The following SEMA3A variants were observed in gnomAD, a reference collection of about 807,000 sequenced individuals.
SEMA3A encodes the protein semaphorin 3A.
SEMA3A carries 29 observed loss-of-function variants against 97.9 expected under a neutral mutation model. The ratio of observed to expected loss-of-function variants is 0.30; its 90% CI spans 0.22 to 0.40. The LOEUF (loss-of-function observed/expected upper bound fraction) is 0.40, where lower values mean the gene tolerates loss of function less well. Among genes scored for constraint, SEMA3A ranks in the 10% least tolerant of loss-of-function variants. SEMA3A has a pLI of 1.00. For missense variants in SEMA3A, 763 were observed against 951.3 expected, an observed-to-expected ratio of 0.80 and a Z score of 2.60; for synonymous variants, 321 against 323.7, an observed-to-expected ratio of 0.99 and a Z score of 0.09.
At chr7:84,191,564 T>C (rs1798039539) in intron 1 of SEMA3A, among the ~76,000 whole-genome samples, 1 of 151,898 alleles carries the variant, frequency 6.6e-6, no homozygotes, top group African/African-American at 2.4e-5. Flanking sequence ...GAAGATTATA[T>C]GATTTTCCTG....
chr7:84,287,652 A>G (rs1481932831), intron 3 of SEMA3A, among the ~76,000 whole-genome samples: 1 of 152,084 alleles, frequency 6.6e-6, no homozygotes, highest in East Asian at 1.9e-4. Context: ...TTTCAGATTT[A>G]TGATTATGTG....
At chr7:83,981,188 C>G (rs1213249964) in intron 14 of SEMA3A, 133 bp downstream of exon 14, 27 of 906,238 alleles carry the variant, frequency 3.0e-5, no homozygotes. Context: ...ACGCAACAAT[C>G]CCCTCCATCT....
At chr7:84,072,726 C>G (rs1044163842) in intron 4 of SEMA3A, among the ~76,000 whole-genome samples, 1 of 151,914 alleles carries the variant, frequency 6.6e-6, no homozygotes, top group South Asian at 2.1e-4. Context: ...CGAAGTACAA[C>G]AAAAATTATA....
chr7:83,977,045 GCATA>G, intron 15 of SEMA3A, 83 bp downstream of exon 15: 1 of 603,234 alleles, frequency 1.7e-6, no homozygotes, highest in Non-Finnish European at 2.8e-6. Context: ...TCTGAGAGAT[GCATA>G]CATTGCATGC....
rs1342631568 is a variant in SEMA3A, at chr7:83,960,879, C to A, written c.*492G>T. 1 of 153,434 alleles carries A rather than the reference C, an allele frequency of 6.5e-6. No individual in the cohort carries two copies. The highest frequency in any genetic ancestry group is 6.2e-5 in the Admixed American group (1 of 16,172). The allele number at this position is 153,434 out of a possible 1,614,324, so 9.5% of individuals were successfully genotyped here. ...ACATTTCATTCAGTATCATTTTACTCATTTTACTCCTCAAGTACATACAAA... is the reference window on the plus strand; with the variant it reads ...ACATTTCATTCAGTATCATTTTACTAATTTTACTCCTCAAGTACATACAAA... On this transcript the variant is annotated 3_prime_UTR_variant, in exon 17 of 17. Transcript: ENST00000265362.
chr7:84,203,338 A>G (rs1278006219), intron 3 of SEMA3A, among the ~76,000 whole-genome samples: 1 of 149,220 alleles, frequency 6.7e-6, no homozygotes, highest in African/African-American at 2.5e-5. Flanking sequence ...TTTTTTTCTT[A>G]TTTTATTTTT....
chr7:84,165,849 G>A (rs1052459900), intron 1 of SEMA3A, among the ~76,000 whole-genome samples: 2 of 151,920 alleles, frequency 1.3e-5, no homozygotes, highest in South Asian at 2.1e-4. Flanking sequence ...CACCCCTCCC[G>A]GCCTACCAAT....
intron 1 of SEMA3A, among the ~76,000 whole-genome samples, chr7:84,401,713 A>C (rs550811820): frequency 6.6e-6 from 1 of 152,292 alleles, no homozygotes; most frequent in South Asian, 2.1e-4. Context: ...CACACATTTA[A>C]AGCCAAATGA....
chr7:84,281,270 G>A (rs1019057946), intron 3 of SEMA3A, among the ~76,000 whole-genome samples: 2 of 152,176 alleles, frequency 1.3e-5, no homozygotes, highest in Non-Finnish European at 2.9e-5. Context: ...TGAGGAGGCT[G>A]GGAGCAGAAT....
intron 3 of SEMA3A, among the ~76,000 whole-genome samples, chr7:84,265,992 G>A (rs548138567): frequency 1.3e-4 from 19 of 151,872 alleles, no homozygotes; most frequent in Non-Finnish European, 2.6e-4. Flanking sequence ...GAGATTCCAC[G>A]GACTATTTGG....
chr7:84,404,237 C>T (rs1435879216), intron 1 of SEMA3A, among the ~76,000 whole-genome samples: 11 of 152,098 alleles, frequency 7.2e-5, no homozygotes, highest in African/African-American at 1.2e-4. Context: ...ACGAGAACTA[C>T]GTAATGAATG....
At chr7:84,050,322 C>A (rs1038848767) in intron 5 of SEMA3A, among the ~76,000 whole-genome samples, 3 of 152,164 alleles carry the variant, frequency 2.0e-5, no homozygotes, top group African/African-American at 7.2e-5. Flanking sequence ...TACAGTCCCA[C>A]CAACGGTGTA....
intron 2 of SEMA3A, among the ~76,000 whole-genome samples, chr7:84,319,993 G>A (rs73386924): frequency 0.026 from 3,885 of 152,166 alleles, 168 homozygotes; most frequent in African/African-American, 0.089. Flanking sequence ...GAAAGTAAAT[G>A]ATTTCTTTTT....
chr7:84,138,460 C>A (rs1024398528), intron 1 of SEMA3A, among the ~76,000 whole-genome samples: 2 of 151,812 alleles, frequency 1.3e-5, no homozygotes, highest in African/African-American at 4.8e-5. Context: ...AAATATTTTC[C>A]CAATTGAAAA....
At chr7:84,136,477 T>C (rs1425608202) in intron 1 of SEMA3A, among the ~76,000 whole-genome samples, 2 of 152,182 alleles carry the variant, frequency 1.3e-5, no homozygotes, top group Non-Finnish European at 2.9e-5. Flanking sequence ...CGGGAAACCA[T>C]GCACTGTGCT....
chr7:84,241,587 T>C (rs1489500617), intron 3 of SEMA3A, among the ~76,000 whole-genome samples: 3 of 152,078 alleles, frequency 2.0e-5, no homozygotes, highest in Non-Finnish European at 4.4e-5. Context: ...TTTTTTTGTT[T>C]GTGTTTTGTT....
At chr7:84,360,009 T>C (rs1207566818) in intron 2 of SEMA3A, among the ~76,000 whole-genome samples, 1 of 149,472 alleles carries the variant, frequency 6.7e-6, no homozygotes, top group Admixed American at 6.7e-5. Flanking sequence ...TTTTATTGTG[T>C]CTATTTGATT....
intron 1 of SEMA3A, among the ~76,000 whole-genome samples, chr7:84,445,081 T>A (rs1805375630): frequency 1.3e-5 from 2 of 152,040 alleles, no homozygotes; most frequent in African/African-American, 2.4e-5. Context: ...TTAATATAAT[T>A]TTTTTCTGAT....
At chr7:84,336,366 C>G (rs1584248159) in intron 2 of SEMA3A, among the ~76,000 whole-genome samples, 1 of 152,180 alleles carries the variant, frequency 6.6e-6, no homozygotes, top group Admixed American at 6.5e-5. Flanking sequence ...ACCATATTTA[C>G]TGAATAGAAG....
Sources: gnomAD v4.1 joint callset for allele counts (sites outside exome capture counted in the v4.1 genomes callset) on GRCh38, gnomAD v4.1.1 for gene constraint, MANE v1.5 for transcripts, NCBI Gene and HGNC (gene_info 2026-07-23, HGNC 2026-07-21) for gene names.